Variants in CALCRL observed in about 807,000 individuals in gnomAD.
The protein encoded by CALCRL is calcitonin receptor like receptor.
CALCRL carries 27 observed loss-of-function variants against 60.4 expected under a neutral mutation model. The observed-to-expected ratio is 0.45, with a 90% CI of 0.33 to 0.62. The LOEUF is 0.62. CALCRL is among the 20% of genes least tolerant of loss of function. The pLI is 0.03. For missense variants in CALCRL, 424 were observed against 540.7 expected (o/e 0.78, Z 2.14); for synonymous variants, 190 against 182.6 (o/e 1.04, Z -0.33).
chr2:187,400,559 CCAAA>C (rs1307322214), intron 1 of CALCRL, among the ~76,000 whole-genome samples: 7 of 151,266 alleles, frequency 4.6e-5, no homozygotes, highest in African/African-American at 1.7e-4. Flanking sequence ...AGACAGATAT[CCAAA>C]CAAACGCTTG....
intron 12 of CALCRL, among the ~76,000 whole-genome samples, chr2:187,356,126 C>G (rs1403168600): frequency 6.6e-6 from 1 of 152,160 alleles, no homozygotes; most frequent in East Asian, 1.9e-4. Flanking sequence ...TATTGACTTT[C>G]TTCACAGAAT....
At chr2:187,393,962 T>C (rs182265642) in intron 1 of CALCRL, among the ~76,000 whole-genome samples, 1 of 152,222 alleles carries the variant, frequency 6.6e-6, no homozygotes, top group Admixed American at 6.6e-5. Context: ...TTCACCAGAA[T>C]CTTTGATTAC....
At chr2:187,362,125 A>G (rs1269290933) in intron 9 of CALCRL, among the ~76,000 whole-genome samples, 2 of 152,088 alleles carry the variant, frequency 1.3e-5, no homozygotes, top group South Asian at 2.1e-4. Context: ...AATTAAGAGC[A>G]TACTGCAGAA....
intron 1 of CALCRL, among the ~76,000 whole-genome samples, chr2:187,435,435 T>A (rs1279768175): frequency 6.6e-6 from 1 of 152,204 alleles, no homozygotes; most frequent in Non-Finnish European, 1.5e-5. Flanking sequence ...TGATTCAGTC[T>A]CCTTTCCACC....
chr2:187,402,972 A>G (rs1024957287), intron 1 of CALCRL, among the ~76,000 whole-genome samples: 2 of 151,654 alleles, frequency 1.3e-5, no homozygotes, highest in African/African-American at 4.8e-5. Context: ...AAAGAGAAAG[A>G]AAGAGATAGG....
At chr2:187,363,607 G>T in intron 8 of CALCRL, 105 bp from the exon 9 acceptor site, 2 of 1,183,186 alleles carry the variant, frequency 1.7e-6, no homozygotes, top group Non-Finnish European at 1.1e-6. Context: ...ATCCACTTTT[G>T]AAACAATTAT....
chr2:187,417,984 T>G (rs1314578552), intron 1 of CALCRL, among the ~76,000 whole-genome samples: 1 of 152,202 alleles, frequency 6.6e-6, no homozygotes, highest in African/African-American at 2.4e-5. Context: ...ACATTTTCAT[T>G]ATTTAACATC....
rs976768559 is a variant in CALCRL at position 187,447,070 on chromosome 2, C to T, written c.-293+969G>A. Among the ~76,000 whole-genome samples the T allele has an allele frequency of 9.2e-5, 14 of 152,110 alleles. No individual in the cohort carries two copies. The East Asian group carries it at 2.5e-3, about 27-fold the overall frequency. On this transcript the variant is annotated intron_variant, in intron 1 of 14. Coordinates refer to ENST00000392370, the MANE Select transcript of CALCRL (RefSeq NM_005795.6). ...CTACACAAACAATTTATTAAGCAGA[C>T]ATTAGTTTCTTAAATTGTTCAGGAC...
chr2:187,445,288 AT>A (rs1437212932), intron 1 of CALCRL, among the ~76,000 whole-genome samples: 1 of 151,618 alleles, frequency 6.6e-6, no homozygotes, highest in Non-Finnish European at 1.5e-5. Context: ...CAAGCATAAG[AT>A]ACGCAATAAA....
At chr2:187,390,916 C>T (rs912219408) in intron 1 of CALCRL, among the ~76,000 whole-genome samples, 1 of 152,102 alleles carries the variant, frequency 6.6e-6, no homozygotes, top group South Asian at 2.1e-4. Flanking sequence ...TTTGGTAGTG[C>T]AATTCACTTG....
chr2:187,409,836 G>A (rs1689281416), intron 1 of CALCRL, among the ~76,000 whole-genome samples: 3 of 152,140 alleles, frequency 2.0e-5, no homozygotes, highest in East Asian at 3.9e-4. Context: ...AAAGACTGGA[G>A]GTGGGACAAG....
At chr2:187,349,214 A>G (rs1259381834) in intron 14 of CALCRL, among the ~76,000 whole-genome samples, 1 of 151,690 alleles carries the variant, frequency 6.6e-6, no homozygotes, top group Non-Finnish European at 1.5e-5. Context: ...TTATGATCAC[A>G]GTGCACATTT....
chr2:187,386,044 T>C (rs1469307791), intron 3 of CALCRL, among the ~76,000 whole-genome samples: 1 of 152,078 alleles, frequency 6.6e-6, no homozygotes, highest in African/African-American at 2.4e-5. Flanking sequence ...TGTCAAATGT[T>C]TAAGAACATT....
At chr2:187,420,891 A>C (rs1689844109) in intron 1 of CALCRL, among the ~76,000 whole-genome samples, 1 of 152,216 alleles carries the variant, frequency 6.6e-6, no homozygotes, top group African/African-American at 2.4e-5. Context: ...GATTGAGTTA[A>C]AGGTTTCAAA....
chr2:187,443,369 C>T (rs1055899806), intron 1 of CALCRL, among the ~76,000 whole-genome samples: 7 of 151,674 alleles, frequency 4.6e-5, no homozygotes, highest in African/African-American at 1.7e-4. Flanking sequence ...AAAAAATTTC[C>T]ACGTGTTAAT....
chr2:187,350,617 TATTTTAA>T (rs1159037979), intron 14 of CALCRL, among the ~76,000 whole-genome samples: 1 of 151,414 alleles, frequency 6.6e-6, no homozygotes, highest in Admixed American at 6.6e-5. Flanking sequence ...ACTTGAGATA[TATTTTAA>T]TTAAAAACTA....
intron 1 of CALCRL, among the ~76,000 whole-genome samples, chr2:187,393,553 A>G (rs1487701488): frequency 6.6e-6 from 1 of 152,110 alleles, no homozygotes; most frequent in African/African-American, 2.4e-5. Flanking sequence ...TGTCTCTGCC[A>G]TGAGATTGTG....
Position 187,380,499 on chromosome 2 carries a change from G to A in CALCRL, c.376C>T (p.Gln126Ter). The A allele has an allele frequency of 6.2e-7, 1 of 1,608,446 alleles. No homozygotes were observed. Among genetic ancestry groups the A allele is most frequent in the Non-Finnish European group, 8.5e-7 (1 of 1,175,132 alleles). Residue 126 changes from glutamine (Q) to a stop codon, truncating the protein, a stop_gained, in exon 7 of 15, where the codon CAG (glutamine) becomes TAG (stop). Transcript: ENST00000392370. LOFTEE classifies it high-confidence loss of function. ...ASNRTWTNYT[Q>*]CNVNTHEKVK... ...TTCTCGTGGGTGTTAACATTACACT[G>A]GGTATAATTTGTCCATGTTCTGTTG... is the stretch of plus-strand genomic sequence containing the variant.
intron 1 of CALCRL, among the ~76,000 whole-genome samples, chr2:187,390,081 T>C (rs1367801123): frequency 1.3e-5 from 2 of 152,182 alleles, no homozygotes; most frequent in African/African-American, 2.4e-5. Flanking sequence ...TGTTTGAATA[T>C]GTACTGACAA....
Sources: gnomAD v4.1 joint callset for allele counts (sites outside exome capture counted in the v4.1 genomes callset) on GRCh38, gnomAD v4.1.1 for gene constraint, MANE v1.5 for transcripts, NCBI Gene and HGNC (gene_info 2026-07-23, HGNC 2026-07-21) for gene names.